Variants in GSE1 observed in about 807,000 individuals in gnomAD.
The protein encoded by GSE1 is genetic suppressor element 1.
Under a neutral mutation model 112.6 loss-of-function variants are expected in GSE1, and 32 were observed. The observed-to-expected ratio is 0.28, with a 90% confidence interval of 0.21 to 0.38. The LOEUF (loss-of-function observed/expected upper bound fraction) is 0.38. GSE1 is among the 10% of genes least tolerant of loss of function. The pLI, the probability that GSE1 is intolerant of heterozygous loss-of-function variation, is 1.00. For synonymous variants in GSE1, 1,115 were observed against 735.6 expected (o/e 1.52, Z -8.35); for missense variants, 2,348 against 1,699.2 (o/e 1.38, Z -6.71).
chr16:85,307,207 A>G (rs2045703257), intron 1 of GSE1, among the ~76,000 whole-genome samples: 1 of 152,122 alleles, frequency 6.6e-6, no homozygotes, highest in African/African-American at 2.4e-5. Context: ...GAGGTTGTCA[A>G]ATGGTTTGCA....
chr16:85,541,417 C>G (rs1013817880), intron 2 of GSE1, among the ~76,000 whole-genome samples: 7 of 152,388 alleles, frequency 4.6e-5, no homozygotes, highest in Admixed American at 2.6e-4. Context: ...CTGGCTGGCA[C>G]AGGCCTCACT....
intron 1 of GSE1, among the ~76,000 whole-genome samples, chr16:85,603,669 T>G (rs575017748): frequency 9.9e-5 from 15 of 152,280 alleles, no homozygotes; most frequent in South Asian, 6.2e-4. Flanking sequence ...GCCTGGTTAT[T>G]TTTTTATTAT....
At position 85,328,194 on chromosome 16, in the gene GSE1, G is replaced by A. The variant is rs577491001; in HGVS notation, c.2284-29269G>A. Among the ~76,000 whole-genome samples, 4 of 152,342 alleles carry A rather than the reference G, an allele frequency of 2.6e-5. No homozygotes were observed. In the East Asian group the frequency reaches 5.8e-4, roughly 22 times the overall value. On this transcript the variant is annotated intron_variant, in intron 1 of 2. Coordinates refer to the GSE1 transcript ENST00000637419. ...CAGAACATACGACAGCAGAGTTGGG[G>A]GGCCAGGCCTGGCAGGCCCCTTTCC... is the stretch of plus-strand genomic sequence containing the variant.
chr16:85,611,320 C>T (rs1300020659), upstream of GSE1: 2 of 158,562 alleles, frequency 1.3e-5, no homozygotes, highest in African/African-American at 4.8e-5. Context: ...CTCCCCCTCC[C>T]CCTCCCCCTC....
At chr16:85,216,990 T>G (rs7205876) in intron 1 of GSE1, among the ~76,000 whole-genome samples, 68,091 of 152,020 alleles carry the variant, frequency 0.45, 15,934 homozygotes, top group African/African-American at 0.6. Flanking sequence ...TTGTGTGGGA[T>G]GAAGGAGCGG....
chr16:85,252,326 G>C (rs1344749058), intron 1 of GSE1, among the ~76,000 whole-genome samples: 1 of 138,228 alleles, frequency 7.2e-6, no homozygotes, highest in South Asian at 2.1e-4. Flanking sequence ...TGTCACTGTA[G>C]CTCAGTGTTA....
At chr16:85,556,425 C>CA in intron 1 of GSE1, 1 of 780,642 alleles carries the variant, frequency 1.3e-6, no homozygotes, top group Non-Finnish European at 1.6e-6. Context: ...GACCCTCCCT[C>CA]ACCCGACCCC....
chr16:85,421,977 G>A (rs1221937906), intron 2 of GSE1, among the ~76,000 whole-genome samples: 1 of 152,270 alleles, frequency 6.6e-6, no homozygotes, highest in South Asian at 2.1e-4. Context: ...TGAGGTAGGT[G>A]TGATCATTGT....
intron 2 of GSE1, among the ~76,000 whole-genome samples, chr16:85,474,075 G>A (rs2050377610): frequency 1.3e-5 from 2 of 152,128 alleles, no homozygotes; most frequent in Non-Finnish European, 2.9e-5. Flanking sequence ...CCCATCTTCT[G>A]ATGGGTCCTC....
At chr16:85,348,323 T>TCCATCCATCCAC in intron 1 of GSE1, among the ~76,000 whole-genome samples, 1 of 150,048 alleles carries the variant, frequency 6.7e-6, no homozygotes, top group Middle Eastern at 3.4e-3. Context: ...CATCCATCCA[T>TCCATCCATCCAC]CCACTGCCTA....
chr16:85,551,264 C>T (rs1447939143), upstream of GSE1, among the ~76,000 whole-genome samples: 1 of 152,242 alleles, frequency 6.6e-6, no homozygotes, highest in Non-Finnish European at 1.5e-5. Flanking sequence ...TTTCCTTGGA[C>T]AGAATCCCTC....
intron 1 of GSE1, among the ~76,000 whole-genome samples, chr16:85,287,324 GCCTGCCCATCC>G (rs2045062586): frequency 6.6e-6 from 1 of 152,210 alleles, no homozygotes; most frequent in Non-Finnish European, 1.5e-5. Context: ...GGGACTTGCT[GCCTGCCCATCC>G]CCCTGCACCA....
intron 8 of GSE1, among the ~76,000 whole-genome samples, chr16:85,658,073 C>T (rs1187243784): frequency 6.6e-6 from 1 of 152,204 alleles, no homozygotes; most frequent in Non-Finnish European, 1.5e-5. Context: ...AAAACACATG[C>T]CCGTTTTCTA....
chr16:85,505,710 C>T (rs902698547), intron 2 of GSE1, among the ~76,000 whole-genome samples: 22 of 152,132 alleles, frequency 1.4e-4, no homozygotes, highest in Non-Finnish European at 2.9e-4. Context: ...GGAAACTCTG[C>T]CTCCCTGGAA....
rs149283578 is a variant in GSE1 at position 85,648,659 on chromosome 16, C to T, written c.334C>T (p.Pro112Ser). The T allele has an allele frequency of 1.6e-5, 26 of 1,602,836 alleles. No individual in the cohort carries two copies. The African/African-American group carries it at 2.4e-4, about 15-fold the overall frequency. The change falls in exon 3 of 16, where the codon CCT becomes TCT. Residue 112 changes from proline (P) to serine (S), a missense_variant. Pro to Ser is a moderately conservative substitution (Grantham distance 74). Coordinates refer to ENST00000253458, the MANE Select transcript of GSE1 (RefSeq NM_014615.5). ...RVPMGPIIVPPGGHSVPSTPP... is the reference protein window; with the variant it reads ...RVPMGPIIVPSGGHSVPSTPP... ...GCCCATGGGCCCTATCATCGTCCCC[C>T]CTGGGGGCCACAGCGTGCCCAGCAC...
intron 2 of GSE1, among the ~76,000 whole-genome samples, chr16:85,502,567 C>T (rs914447694): frequency 6.6e-6 from 1 of 152,336 alleles, no homozygotes; most frequent in South Asian, 2.1e-4. Context: ...CCAAGGCCTC[C>T]ACCTGGTGGT....
At chr16:85,630,593 A>G (rs1464029792) in intron 1 of GSE1, among the ~76,000 whole-genome samples, 1 of 152,194 alleles carries the variant, frequency 6.6e-6, no homozygotes, top group Non-Finnish European at 1.5e-5. Flanking sequence ...CTGGGATTAC[A>G]GGTGTGCCCA....
intron 2 of GSE1, among the ~76,000 whole-genome samples, chr16:85,446,181 G>T (rs972470670): frequency 6.6e-6 from 1 of 152,154 alleles, no homozygotes; most frequent in Non-Finnish European, 1.5e-5. Flanking sequence ...GCTCTGCGAC[G>T]TCGGGGCCTG....
At chr16:85,329,011 G>C (rs764947718) in intron 1 of GSE1, among the ~76,000 whole-genome samples, 1 of 152,212 alleles carries the variant, frequency 6.6e-6, no homozygotes, top group Non-Finnish European at 1.5e-5. Context: ...GCGTTCGGTG[G>C]GGGATTGAGG....
Sources: gnomAD v4.1 joint callset for allele counts (sites outside exome capture counted in the v4.1 genomes callset) on GRCh38, gnomAD v4.1.1 for gene constraint, MANE v1.5 for transcripts, NCBI Gene and HGNC (gene_info 2026-07-23, HGNC 2026-07-21) for gene names.